The following SPDYE10 variants were observed in gnomAD, a reference collection of about 807,000 sequenced individuals.
SPDYE10 encodes speedy/RINGO cell cycle regulator family member E10, also known as speedy protein E10.
the SPDYE10 span, among the ~76,000 whole-genome samples, chr7:73,123,782 T>C: frequency 6.9e-6 from 1 of 144,190 alleles, no homozygotes; most frequent in African/African-American, 2.7e-5. Context: ...TCTCTCTCTC[T>C]CTCTCCCTCT....
the SPDYE10 span, among the ~76,000 whole-genome samples, chr7:73,141,708 GAAAACCCCGTCTCTACTAA>G: frequency 1.1e-4 from 1 of 9,316 alleles, no homozygotes; most frequent in African/African-American, 6.4e-4. Context: ...CCAACATGGA[GAAAACCCCGTCTCTACTAA>G]AAATACAAAA....
chr7:73,126,923 T>G, the SPDYE10 span, among the ~76,000 whole-genome samples: 1 of 126,006 alleles, frequency 7.9e-6, no homozygotes, highest in African/African-American at 3.4e-5. Context: ...TTTTTTTTTT[T>G]TTTTTTTTTT....
the SPDYE10 span, chr7:73,104,544 T>G: frequency 9.8e-6 from 1 of 102,250 alleles, no homozygotes; most frequent in African/African-American, 3.3e-5. Flanking sequence ...AATAAATATT[T>G]CAGTAAATAA....
chr7:73,137,619 AAAG>A, the SPDYE10 span, among the ~76,000 whole-genome samples: 7 of 143,638 alleles, frequency 4.9e-5, no homozygotes, highest in African/African-American at 1.9e-4. Flanking sequence ...AGAAAGAAAG[AAAG>A]AAAGAAAGAA....
At chr7:73,142,654 G>A in the SPDYE10 span, among the ~76,000 whole-genome samples, 1 of 152,090 alleles carries the variant, frequency 6.6e-6, no homozygotes. Flanking sequence ...ATGAAGCTGT[G>A]GGCCAGGCAC....
the SPDYE10 span, among the ~76,000 whole-genome samples, chr7:73,123,663 G>T: frequency 6.6e-6 from 1 of 152,090 alleles, no homozygotes; most frequent in Non-Finnish European, 1.5e-5. Flanking sequence ...TCCCCATGTT[G>T]GCCAGGCTGG....
At chr7:73,117,599 TTG>T in the SPDYE10 span, among the ~76,000 whole-genome samples, 2 of 116,862 alleles carry the variant, frequency 1.7e-5, no homozygotes, top group Non-Finnish European at 3.5e-5. Flanking sequence ...TATCTAGGAT[TTG>T]CTTTAAAACA....
chr7:73,123,207 T>G, the SPDYE10 span, among the ~76,000 whole-genome samples: 1 of 152,230 alleles, frequency 6.6e-6, no homozygotes, highest in Non-Finnish European at 1.5e-5. Context: ...CATGAGCATC[T>G]GTAGCTCTTG....
the SPDYE10 span, among the ~76,000 whole-genome samples, chr7:73,150,910 AT>A: frequency 0.013 from 114 of 8,934 alleles, 6 homozygotes; most frequent in East Asian, 0.035. Flanking sequence ...AAAAAAAAAT[AT>A]ATATATATAT....
the SPDYE10 span, among the ~76,000 whole-genome samples, chr7:73,117,975 C>G: frequency 2.0e-5 from 3 of 146,766 alleles, no homozygotes; most frequent in Admixed American, 6.9e-5. Context: ...CATGGTGAAA[C>G]CCCTGTCTGT....
At chr7:73,138,311 T>A in the SPDYE10 span, among the ~76,000 whole-genome samples, 1 of 151,798 alleles carries the variant, frequency 6.6e-6, no homozygotes, top group South Asian at 2.1e-4. Flanking sequence ...AGGTCAGGGC[T>A]TCTGGGCATG....
chr7:73,116,899 T>C, the SPDYE10 span, among the ~76,000 whole-genome samples: 1,253 of 147,814 alleles, frequency 8.5e-3, 10 homozygotes, highest in African/African-American at 0.031. Context: ...ACAGATTTGT[T>C]TTTTTTTTTT....
At chr7:73,142,980 G>GAGGAAGGAAGGAAGGA in the SPDYE10 span, among the ~76,000 whole-genome samples, 10 of 93,716 alleles carry the variant, frequency 1.1e-4, no homozygotes, top group Non-Finnish European at 1.3e-4. Flanking sequence ...GGGAGGGAGG[G>GAGGAAGGAAGGAAGGA]AGGAAGGAAG....
the SPDYE10 span, among the ~76,000 whole-genome samples, chr7:73,128,057 C>A: frequency 6.6e-6 from 1 of 150,626 alleles, no homozygotes; most frequent in African/African-American, 2.5e-5. Context: ...AAAACAGAAA[C>A]AAAGTAAATG....
the SPDYE10 span, among the ~76,000 whole-genome samples, chr7:73,130,239 A>C: frequency 1.1e-4 from 16 of 150,702 alleles, no homozygotes; most frequent in South Asian, 2.1e-4. Context: ...AGATTGCTTG[A>C]GCCCAAGAGT....
At chr7:73,132,655 G>A in the SPDYE10 span, among the ~76,000 whole-genome samples, 927 of 150,624 alleles carry the variant, frequency 6.2e-3, 17 homozygotes, top group African/African-American at 0.021. Context: ...CCTGGGGTGC[G>A]GATGATGCCT....
At chr7:73,134,437 G>A in the SPDYE10 span, among the ~76,000 whole-genome samples, 1 of 150,174 alleles carries the variant, frequency 6.7e-6, no homozygotes, top group Admixed American at 6.6e-5. Context: ...GAGTTAATGG[G>A]TGTAGCACAC....
At chr7:73,134,777 G>A in the SPDYE10 span, among the ~76,000 whole-genome samples, 3 of 152,272 alleles carry the variant, frequency 2.0e-5, no homozygotes, top group African/African-American at 7.2e-5. Flanking sequence ...CAGGAGAATT[G>A]CTTGAACCCA....
At chr7:73,122,752 G>A in the SPDYE10 span, among the ~76,000 whole-genome samples, 8 of 149,360 alleles carry the variant, frequency 5.4e-5, no homozygotes, top group Admixed American at 2.0e-4. Context: ...GATGGAGTCC[G>A]GGGCTGTGCT....
Sources: allele counts gnomAD v4.1 joint callset (sites outside exome capture counted in the v4.1 genomes callset), GRCh38; gene constraint gnomAD v4.1.1; transcripts MANE v1.5; gene names NCBI Gene and HGNC (gene_info 2026-07-23, HGNC 2026-07-21).